SUCO: variants seen among roughly 807,000 people sequenced by gnomAD.
SUCO encodes the protein SUN domain-containing ossification factor.
In SUCO, 57 loss-of-function variants were observed where a neutral mutation model predicts 148.1. That is an observed-to-expected ratio of 0.38 (90% CI 0.31 to 0.48). The LOEUF (loss-of-function observed/expected upper bound fraction) is 0.48. SUCO is among the 20% of genes least tolerant of loss of function. The probability of loss-of-function intolerance (pLI) is 0.96; values close to 1 mark genes in which losing one functional copy is unlikely to be tolerated. For synonymous variants in SUCO, 470 were observed against 502.7 expected, an observed-to-expected ratio of 0.93 and a Z score of 0.87; for missense variants, 1,331 against 1,468.2, an observed-to-expected ratio of 0.91 and a Z score of 1.53.
chr1:172,599,980 T>C, intron 19 of SUCO, 84 bp from the exon 20 acceptor site: 1 of 929,162 alleles, frequency 1.1e-6, no homozygotes, highest in Non-Finnish European at 1.6e-6. Flanking sequence ...AACTTAATGG[T>C]TTTTTTTAGA....
intron 9 of SUCO, among the ~76,000 whole-genome samples, chr1:172,572,859 C>CAGTGCTGTG: frequency 2.0e-5 from 3 of 152,078 alleles, no homozygotes; most frequent in Admixed American, 2.0e-4. Flanking sequence ...GTAGGCCATC[C>CAGTGCTGTG]AGTGCTGTGT....
intron 6 of SUCO, among the ~76,000 whole-genome samples, chr1:172,562,522 G>A (rs1441033386): frequency 6.6e-6 from 1 of 151,980 alleles, no homozygotes; most frequent in Non-Finnish European, 1.5e-5. Context: ...AGTAGAGATG[G>A]GGTTTCACCA....
At chr1:172,578,034 T>G (rs1655587324) in intron 13 of SUCO, among the ~76,000 whole-genome samples, 1 of 151,904 alleles carries the variant, frequency 6.6e-6, no homozygotes. Context: ...TTTAACTTGC[T>G]TGCTATTTTG....
intron 23 of SUCO, chr1:172,609,564 C>G: frequency 1.0e-6 from 1 of 984,538 alleles, no homozygotes; most frequent in Non-Finnish European, 1.2e-6. Flanking sequence ...ATATTAGTAT[C>G]ACTCCCTAAA....
At chr1:172,550,658 T>C (rs1246810839) in intron 1 of SUCO, among the ~76,000 whole-genome samples, 1 of 152,000 alleles carries the variant, frequency 6.6e-6, no homozygotes, top group East Asian at 1.9e-4. Flanking sequence ...ATTTCAGATC[T>C]ATATAGGTGT....
At chr1:172,609,401 T>G in intron 23 of SUCO, 1 of 955,702 alleles carries the variant, frequency 1.0e-6, no homozygotes, top group Non-Finnish European at 1.2e-6. Flanking sequence ...ACCCGGCTGC[T>G]TACTACATTG....
intron 9 of SUCO, among the ~76,000 whole-genome samples, chr1:172,573,264 A>G (rs1655181590): frequency 6.6e-6 from 1 of 152,168 alleles, no homozygotes; most frequent in Non-Finnish European, 1.5e-5. Context: ...CTGTTACTAT[A>G]AATTAGTTTA....
intron 6 of SUCO, among the ~76,000 whole-genome samples, chr1:172,559,327 G>A (rs1304209379): frequency 6.6e-6 from 1 of 152,170 alleles, no homozygotes; most frequent in Non-Finnish European, 1.5e-5. Flanking sequence ...TGTTCTTTTT[G>A]TTGCAGTTTT....
At chr1:172,579,168 T>G (rs767141218) in intron 14 of SUCO, 34 bp from the exon 15 acceptor site, 1 of 1,229,282 alleles carries the variant, frequency 8.1e-7, no homozygotes, top group Non-Finnish European at 1.2e-6. Context: ...GAGCTAGATC[T>G]CAGCATAATT....
At position 172,572,167 on chromosome 1, in the gene SUCO, C is replaced by T. The variant is rs1363693543; in HGVS notation, c.1049+1437C>T. ...GCCCCTACTGGGAAGTGAGGAGCCCCTCTACCCAGCCACCACCCCGTTTGG... is the reference window on the plus strand; with the variant it reads ...GCCCCTACTGGGAAGTGAGGAGCCCTTCTACCCAGCCACCACCCCGTTTGG... On this transcript the variant is annotated intron_variant, in intron 9 of 23. Transcript: ENST00000263688. 4.9e-5 allele frequency among the ~76,000 whole-genome samples: 7 copies of T among 142,126 alleles called. No individual in the cohort carries two copies. In the East Asian group the frequency reaches 1.3e-3, roughly 26 times the overall value. 93.2% of individuals were successfully genotyped at this position (142,126 alleles called of 152,430 possible). A position where few individuals can be genotyped will look rare whatever the true frequency, so the allele number is the denominator to read the frequency against.
At chr1:172,600,990 T>C (rs1657475852) in intron 20 of SUCO, among the ~76,000 whole-genome samples, 1 of 152,210 alleles carries the variant, frequency 6.6e-6, no homozygotes, top group South Asian at 2.1e-4. Flanking sequence ...GGGTTCAAGA[T>C]ATTGGCAGAG....
intron 1 of SUCO, 43 bp downstream of exon 1, chr1:172,533,540 A>T: frequency 6.7e-7 from 1 of 1,499,096 alleles, no homozygotes; most frequent in Non-Finnish European, 9.0e-7. Context: ...GAGGGGAGTA[A>T]ATGGGAGGGA....
chr1:172,535,651 G>A (rs1651957178), intron 1 of SUCO, among the ~76,000 whole-genome samples: 1 of 152,184 alleles, frequency 6.6e-6, no homozygotes, highest in South Asian at 2.1e-4. Context: ...GTTTGCAAGA[G>A]TTGATGAGTG....
intron 4 of SUCO, 38 bp downstream of exon 4, chr1:172,556,061 C>T (rs748320738): frequency 1.3e-6 from 2 of 1,528,576 alleles, no homozygotes; most frequent in South Asian, 1.1e-5. Context: ...AAAAGAATCT[C>T]CTTAGTTAGT....
At chr1:172,609,625 G>A in intron 23 of SUCO, 191 bp from the exon 24 acceptor site, 1 of 984,908 alleles carries the variant, frequency 1.0e-6, no homozygotes, top group Non-Finnish European at 1.2e-6. Context: ...TGATTCAGTA[G>A]TATTTACAAA....
chr1:172,541,604 C>T (rs1198612127), intron 1 of SUCO, among the ~76,000 whole-genome samples: 1 of 152,200 alleles, frequency 6.6e-6, no homozygotes, highest in African/African-American at 2.4e-5. Context: ...GGCAAGCTGG[C>T]AGTAGTGCAG....
At chr1:172,564,498 G>C (rs1654417481) in intron 6 of SUCO, among the ~76,000 whole-genome samples, 1 of 152,108 alleles carries the variant, frequency 6.6e-6, no homozygotes, top group African/African-American at 2.4e-5. Flanking sequence ...GCCACCATGT[G>C]TAAAAGGTGC....
chr1:172,610,110 C>T lies in SUCO; in HGVS notation c.3616C>T (p.Arg1206Ter), dbSNP rs1280900260. 6.8e-6 allele frequency: 11 copies of T among 1,613,562 alleles called. No homozygotes were observed. Among genetic ancestry groups the T allele is most frequent in the Non-Finnish European group, 7.6e-6 (9 of 1,179,816 alleles). Residue 1206 changes from arginine (R) to a stop codon, truncating the protein, a stop_gained, in exon 24 of 24, where the codon CGA becomes TGA. Transcript: ENST00000263688. LOFTEE classifies it high-confidence loss of function. ...TGAGAAGAGGGCTTTAAAACGAAGA[C>T]GATCTAAAGTCCAAGACCAAGGAAA... is the stretch of plus-strand genomic sequence containing the variant. Reference protein sequence around the residue: ...KTEKRALKRRRSKVQDQGKLI... With the variant: ...KTEKRALKRR
intron 1 of SUCO, chr1:172,543,977 T>A (rs1652688563): frequency 6.5e-6 from 1 of 152,998 alleles, no homozygotes; most frequent in Non-Finnish European, 1.5e-5. Flanking sequence ...ACTAGAGGCC[T>A]GGTGATCTTT....
Sources: allele counts gnomAD v4.1 joint callset (sites outside exome capture counted in the v4.1 genomes callset), GRCh38; gene constraint gnomAD v4.1.1; transcripts MANE v1.5; gene names NCBI Gene and HGNC (gene_info 2026-07-23, HGNC 2026-07-21).